Variants in GRM5 observed in about 807,000 individuals in gnomAD.
The protein encoded by GRM5 is glutamate metabotropic receptor 5.
A neutral mutation model predicts 83.1 loss-of-function variants in GRM5; 19 were observed. The observed-to-expected ratio is 0.23, with a 90% CI of 0.16 to 0.34. The LOEUF is 0.34. Ranked by LOEUF, GRM5 falls within the 10% of genes least tolerant of loss-of-function variation. The pLI is 1.00. For missense variants in GRM5, 1,160 were observed against 1,588.3 expected, an observed-to-expected ratio of 0.73 and a Z score of 4.58; for synonymous variants, 675 against 633.6, an observed-to-expected ratio of 1.07 and a Z score of -0.98.
intron 2 of GRM5, among the ~76,000 whole-genome samples, chr11:88,854,851 AC>A (rs1194301679): frequency 2.0e-5 from 3 of 152,010 alleles, no homozygotes; most frequent in African/African-American, 7.2e-5. Context: ...TTTTATTTGA[AC>A]TGTATATTAA....
chr11:88,848,351 G>C (rs1010267702), intron 3 of GRM5, among the ~76,000 whole-genome samples: 5 of 152,114 alleles, frequency 3.3e-5, no homozygotes, highest in Admixed American at 1.3e-4. Context: ...AAAAGAATTG[G>C]GTACATAAAA....
intron 3 of GRM5, among the ~76,000 whole-genome samples, chr11:88,690,392 A>T (rs1365707969): frequency 6.6e-6 from 1 of 152,178 alleles, no homozygotes; most frequent in Non-Finnish European, 1.5e-5. Flanking sequence ...TAAACCTTGA[A>T]CAAAAAGGTA....
intron 2 of GRM5, among the ~76,000 whole-genome samples, 197 bp from the exon 3 acceptor site, chr11:88,850,352 C>T (rs549144660): frequency 2.0e-5 from 3 of 152,206 alleles, no homozygotes; most frequent in East Asian, 1.9e-4. Context: ...ATTATATATG[C>T]ATTGATCATT....
Position 88,578,251 on chromosome 11 carries a change from A to T in GRM5, c.1691-10259T>A, listed in dbSNP as rs116596865. Among the ~76,000 whole-genome samples, 1,120 of 152,234 alleles carry T rather than the reference A, an allele frequency of 7.4e-3. 11 individuals are homozygous for T. Among genetic ancestry groups the T allele is most frequent in the African/African-American group, 0.026 (1,081 of 41,560 alleles). On this transcript the variant is annotated intron_variant, in intron 7 of 9. Coordinates refer to ENST00000305447, the MANE Select transcript of GRM5 (RefSeq NM_001143831.3). ...AGAGGTGTCAAGATAGGAGGAATTT[A>T]TCTGCTTCATATTACTCATATAATA... is the stretch of plus-strand genomic sequence containing the variant.
chr11:88,524,214 C>CTTTTTTTTTTTTT (rs71470770), intron 9 of GRM5, among the ~76,000 whole-genome samples: 12 of 101,408 alleles, frequency 1.2e-4, no homozygotes, highest in East Asian at 1.1e-3. Flanking sequence ...TTCTTTCTTT[C>CTTTTTTTTTTTTT]TTTTTTTTTT....
chr11:89,041,184 T>C (rs1941524155), intron 2 of GRM5, among the ~76,000 whole-genome samples: 1 of 152,226 alleles, frequency 6.6e-6, no homozygotes, highest in African/African-American at 2.4e-5. Context: ...ATAGGCTACA[T>C]CCTAAGAGAT....
chr11:88,945,754 T>G (rs770492850), intron 2 of GRM5, among the ~76,000 whole-genome samples: 3 of 152,080 alleles, frequency 2.0e-5, no homozygotes, highest in Non-Finnish European at 4.4e-5. Flanking sequence ...TTTAAAGATT[T>G]AAATGTAAGA....
At chr11:88,895,516 T>C (rs1169264127) in intron 2 of GRM5, among the ~76,000 whole-genome samples, 1 of 151,954 alleles carries the variant, frequency 6.6e-6, no homozygotes, top group African/African-American at 2.4e-5. Flanking sequence ...CAATCAACGA[T>C]GAGTATTAAC....
chr11:88,876,865 A>G (rs1332321375), intron 2 of GRM5, among the ~76,000 whole-genome samples: 3 of 152,132 alleles, frequency 2.0e-5, no homozygotes, highest in Non-Finnish European at 1.5e-5. Flanking sequence ...TATAAACACA[A>G]TGGAGTACTA....
chr11:88,575,441 G>C (rs1248155438), intron 7 of GRM5, among the ~76,000 whole-genome samples: 1 of 152,120 alleles, frequency 6.6e-6, no homozygotes, highest in Non-Finnish European at 1.5e-5. Flanking sequence ...CTACATCAGG[G>C]GAGGCAACTT....
chr11:88,657,495 C>T (rs545884963), intron 3 of GRM5, among the ~76,000 whole-genome samples: 1 of 152,136 alleles, frequency 6.6e-6, no homozygotes, highest in African/African-American at 2.4e-5. Context: ...TACTTAGATC[C>T]TTTAAATATT....
intron 4 of GRM5, among the ~76,000 whole-genome samples, chr11:88,622,916 A>G (rs1255548645): frequency 1.3e-5 from 2 of 152,174 alleles, no homozygotes; most frequent in South Asian, 2.1e-4. Context: ...CTGTCTAAAC[A>G]TTATTGGATT....
chr11:88,549,982 A>C (rs1217517740), intron 8 of GRM5, among the ~76,000 whole-genome samples: 1 of 152,132 alleles, frequency 6.6e-6, no homozygotes, highest in Non-Finnish European at 1.5e-5. Context: ...GATATCAGTG[A>C]AAATGCAAAA....
chr11:88,698,113 G>A (rs1009186633), intron 3 of GRM5, among the ~76,000 whole-genome samples: 13 of 152,040 alleles, frequency 8.6e-5, no homozygotes, highest in Non-Finnish European at 1.9e-4. Flanking sequence ...TTCTCCACAG[G>A]GTAGCTAGGG....
rs920698895 is a variant in GRM5, at chr11:88,693,862, C to T, written c.912-40459G>A. On this transcript the variant is annotated intron_variant, in intron 3 of 9. Transcript: ENST00000305447. ...GTGTGGGAAAAATACATTCCTAATG[C>T]GTGATAGGATCTTAATGGTGAGAGG... Among the ~76,000 whole-genome samples the T allele has an allele frequency of 4.6e-5, 7 of 152,116 alleles. No individual in the cohort carries two copies. The South Asian group carries it at 1.2e-3, about 27-fold the overall frequency.
intron 7 of GRM5, 21 bp downstream of exon 7, chr11:88,590,580 G>A (rs1200354098): frequency 6.2e-7 from 1 of 1,604,476 alleles, no homozygotes. Flanking sequence ...ATTTATATGT[G>A]GTGAGATTGT....
At chr11:88,807,394 T>A (rs1943516158) in intron 3 of GRM5, among the ~76,000 whole-genome samples, 1 of 152,146 alleles carries the variant, frequency 6.6e-6, no homozygotes, top group African/African-American at 2.4e-5. Context: ...TCTTGTCACT[T>A]TATTTTATTT....
chr11:88,915,136 T>TA (rs919021240), intron 2 of GRM5, among the ~76,000 whole-genome samples: 33 of 151,470 alleles, frequency 2.2e-4, no homozygotes, highest in East Asian at 5.8e-4. Flanking sequence ...CTTTGTAGAA[T>TA]AAAAAAAAAT....
chr11:88,713,738 T>C (rs1941336001), intron 3 of GRM5, among the ~76,000 whole-genome samples: 2 of 151,996 alleles, frequency 1.3e-5, no homozygotes, highest in South Asian at 4.1e-4. Context: ...TGCCAGCATA[T>C]ACAGGTACTC....
Sources: allele counts gnomAD v4.1 joint callset (sites outside exome capture counted in the v4.1 genomes callset), GRCh38; gene constraint gnomAD v4.1.1; transcripts MANE v1.5; gene names NCBI Gene and HGNC (gene_info 2026-07-23, HGNC 2026-07-21).